Variants in PEX5L observed in about 807,000 individuals in gnomAD.
PEX5L encodes the protein peroxisomal biogenesis factor 5 like.
Under a neutral mutation model 84.0 loss-of-function variants are expected in PEX5L, and 30 were observed. The ratio of observed to expected loss-of-function variants is 0.36; its 90% CI spans 0.27 to 0.48. The LOEUF is 0.48. PEX5L is among the 20% of genes least tolerant of loss of function. The pLI is 0.99. For missense variants in PEX5L, 533 were observed against 754.6 expected (o/e 0.71, Z 3.44); for synonymous variants, 270 against 283.1 (o/e 0.95, Z 0.46).
chr3:179,893,966 G>C (rs1271204924), intron 3 of PEX5L, among the ~76,000 whole-genome samples: 3 of 151,868 alleles, frequency 2.0e-5, no homozygotes, highest in African/African-American at 7.3e-5. Context: ...GTCTTGCTAT[G>C]TTGCCCAGGC....
chr3:179,946,989 G>A (rs1342477033), intron 2 of PEX5L, among the ~76,000 whole-genome samples: 1 of 152,176 alleles, frequency 6.6e-6, no homozygotes, highest in Admixed American at 6.5e-5. Context: ...GTATTGAGTA[G>A]CCTGGCTACA....
At chr3:179,900,906 T>C (rs1761095456) in intron 2 of PEX5L, among the ~76,000 whole-genome samples, 1 of 152,226 alleles carries the variant, frequency 6.6e-6, no homozygotes. Context: ...TGGTACCAGA[T>C]ACAGTGTCTA....
At chr3:180,018,541 A>G (rs753066181) in intron 1 of PEX5L, among the ~76,000 whole-genome samples, 2 of 152,208 alleles carry the variant, frequency 1.3e-5, no homozygotes, top group African/African-American at 4.8e-5. Context: ...AGTGAAAATC[A>G]TGTTAAAGAT....
intron 1 of PEX5L, among the ~76,000 whole-genome samples, chr3:180,018,009 T>A (rs1790087077): frequency 6.6e-6 from 1 of 152,194 alleles, no homozygotes. Flanking sequence ...ACCCACAGTT[T>A]GGAAATCAGA....
intron 2 of PEX5L, among the ~76,000 whole-genome samples, chr3:179,943,773 T>C (rs1776790039): frequency 6.6e-6 from 1 of 152,124 alleles, no homozygotes; most frequent in Admixed American, 6.6e-5. Context: ...CAGACAAAGG[T>C]CTCTTGAAGG....
At chr3:179,893,733 T>A (rs1490512272) in intron 3 of PEX5L, among the ~76,000 whole-genome samples, 1 of 152,154 alleles carries the variant, frequency 6.6e-6, no homozygotes, top group East Asian at 1.9e-4. Flanking sequence ...TAATAATTTT[T>A]AAAGTTAAAA....
intron 10 of PEX5L, among the ~76,000 whole-genome samples, chr3:179,812,975 G>A (rs1256179411): frequency 6.6e-6 from 1 of 151,972 alleles, no homozygotes; most frequent in African/African-American, 2.4e-5. Context: ...GAATGGTTTT[G>A]GCTTTTCCTC....
chr3:179,959,081 A>C (rs545735442), intron 2 of PEX5L, among the ~76,000 whole-genome samples: 86 of 151,960 alleles, frequency 5.7e-4, no homozygotes, highest in Non-Finnish European at 7.7e-4. Context: ...AATAAAAAAA[A>C]CCAGATTCCT....
intron 1 of PEX5L, among the ~76,000 whole-genome samples, chr3:179,992,733 C>T (rs114255527): frequency 0.018 from 2,746 of 152,044 alleles, 43 homozygotes; most frequent in South Asian, 0.036. Context: ...TGTGGAGCAG[C>T]GCACACGAAT....
chr3:179,798,717 G>C lies in PEX5L; in HGVS notation c.*3111C>G, dbSNP rs891616458. On this transcript the variant is annotated 3_prime_UTR_variant, in exon 15 of 15. Transcript: ENST00000467460. ...CAGAGTACCTCAGAAGGGAAATAAGGATACCCTCCCCTTTCAAACGGAAAG... is the reference window on the plus strand; with the variant it reads ...CAGAGTACCTCAGAAGGGAAATAAGCATACCCTCCCCTTTCAAACGGAAAG... The C allele has an allele frequency of 6.6e-6, 1 of 152,048 alleles. No homozygotes were observed. The highest frequency in any genetic ancestry group is 1.5e-5 in the Non-Finnish European group (1 of 67,990). The allele number at this position is 152,048 out of a possible 1,614,324, so 9.4% of individuals were successfully genotyped here.
intron 2 of PEX5L, among the ~76,000 whole-genome samples, chr3:179,903,496 C>G (rs1360820708): frequency 6.6e-6 from 1 of 152,142 alleles, no homozygotes; most frequent in Non-Finnish European, 1.5e-5. Context: ...TTCCAGGGTT[C>G]TGGGATTACA....
chr3:179,868,042 C>CTTTTTTT (rs71628101), intron 7 of PEX5L, among the ~76,000 whole-genome samples: 11 of 116,336 alleles, frequency 9.5e-5, no homozygotes, highest in Admixed American at 1.8e-4. Context: ...TCTTCTTCTT[C>CTTTTTTT]TTTTTTTTTT....
At chr3:179,847,557 C>T (rs768967835) in intron 8 of PEX5L, among the ~76,000 whole-genome samples, 1 of 152,120 alleles carries the variant, frequency 6.6e-6, no homozygotes, top group Non-Finnish European at 1.5e-5. Context: ...TCTCTTTGCC[C>T]ACAGGGAGTT....
chr3:179,846,159 G>T (rs1435892638), intron 8 of PEX5L, among the ~76,000 whole-genome samples: 1 of 152,024 alleles, frequency 6.6e-6, no homozygotes, highest in African/African-American at 2.4e-5. Context: ...GACAGAGAGA[G>T]ACTCTGTCTC....
chr3:179,805,595 G>C (rs1031280824), intron 14 of PEX5L, among the ~76,000 whole-genome samples: 2 of 152,200 alleles, frequency 1.3e-5, no homozygotes, highest in African/African-American at 4.8e-5. Context: ...TAAACCCACA[G>C]ATGAGGAACC....
At chr3:179,811,711 C>A (rs1398196152) in intron 11 of PEX5L, 90 bp downstream of exon 11, 1 of 964,856 alleles carries the variant, frequency 1.0e-6, no homozygotes, top group African/African-American at 1.6e-5. Flanking sequence ...TTACACTGTA[C>A]TTCAGTAAAG....
intron 2 of PEX5L, among the ~76,000 whole-genome samples, chr3:179,955,655 T>G (rs1013368630): frequency 6.6e-6 from 1 of 152,150 alleles, no homozygotes; most frequent in Non-Finnish European, 1.5e-5. Context: ...AAAAATATTG[T>G]GTTCATTTCA....
At chr3:179,898,101 CAT>C (rs1332348819) in intron 3 of PEX5L, 39 bp downstream of exon 3, 2 of 1,208,282 alleles carry the variant, frequency 1.7e-6, no homozygotes, top group Non-Finnish European at 2.4e-6. Context: ...GATATATTAA[CAT>C]ATGTCAGCTT....
At chr3:179,827,580 G>A (rs1487153387) in intron 8 of PEX5L, among the ~76,000 whole-genome samples, 1 of 152,202 alleles carries the variant, frequency 6.6e-6, no homozygotes, top group East Asian at 1.9e-4. Context: ...TTAAGCCACA[G>A]GTGTTGGAGT....
Sources: allele counts gnomAD v4.1 joint callset (sites outside exome capture counted in the v4.1 genomes callset), GRCh38; gene constraint gnomAD v4.1.1; transcripts MANE v1.5; gene names NCBI Gene and HGNC (gene_info 2026-07-23, HGNC 2026-07-21).